Variants in BAG2 observed in about 807,000 individuals in gnomAD.
BAG2 encodes the protein BAG cochaperone 2.
A neutral mutation model predicts 16.4 loss-of-function variants in BAG2; 8 were observed. The observed-to-expected ratio is 0.49, with a 90% CI of 0.29 to 0.88. BAG2 has a LOEUF of 0.88. Among genes scored for constraint, BAG2 ranks in the 40% least tolerant of loss-of-function variants. BAG2 has a pLI of 0.09. For synonymous variants in BAG2, 82 were observed against 89.2 expected (o/e 0.92, Z 0.46); for missense variants, 218 against 248.9 (o/e 0.88, Z 0.84).
chr6:57,174,558 A>AT (rs1326795893), intron 1 of BAG2, among the ~76,000 whole-genome samples: 1 of 152,214 alleles, frequency 6.6e-6, no homozygotes, highest in African/African-American at 2.4e-5. Flanking sequence ...GAGAAAAGTG[A>AT]TTAATATGTG....
chr6:57,175,231 A>T (rs1192573292), intron 1 of BAG2, among the ~76,000 whole-genome samples: 2 of 152,186 alleles, frequency 1.3e-5, no homozygotes, highest in Non-Finnish European at 2.9e-5. Flanking sequence ...TTTAACAATT[A>T]TTGTAATTTG....
intron 2 of BAG2, among the ~76,000 whole-genome samples, chr6:57,182,530 CAAAAA>C (rs758049333): frequency 7.2e-5 from 3 of 41,606 alleles, no homozygotes; most frequent in Admixed American, 2.6e-4. Flanking sequence ...AAGTAGAGAC[CAAAAA>C]AAAAAAAAAA....
intron 1 of BAG2, among the ~76,000 whole-genome samples, chr6:57,180,917 A>G (rs570825299): frequency 3.9e-5 from 6 of 152,372 alleles, no homozygotes; most frequent in African/African-American, 1.4e-4. Context: ...CAACAAGGGA[A>G]CAGTAACTCC....
intron 2 of BAG2, among the ~76,000 whole-genome samples, chr6:57,183,546 CAA>C (rs1265122583): frequency 2.0e-5 from 3 of 152,118 alleles, no homozygotes; most frequent in Non-Finnish European, 2.9e-5. Context: ...GCAGACATGC[CAA>C]TTTGAGAAGT....
At chr6:57,173,355 GAGGGGTAGGC>G (rs1249500322) in intron 1 of BAG2, 1 of 985,302 alleles carries the variant, frequency 1.0e-6, no homozygotes, top group Non-Finnish European at 1.2e-6. Flanking sequence ...AGACAGGAGT[GAGGGGTAGGC>G]AGTAAGTTAC....
In BAG2 at chr6:57,172,811, G is replaced by C; in HGVS notation, c.113+1G>C. Reference sequence around the variant, plus strand: ...AGAGCCTGGACCAGCTGGAGCTCAGGTGAGCTCCGGGCGGGCGGTCTCGGG... The same window carrying C: ...AGAGCCTGGACCAGCTGGAGCTCAGCTGAGCTCCGGGCGGGCGGTCTCGGG... On this transcript the variant is annotated splice_donor_variant, in intron 1 of 2. Coordinates refer to ENST00000370693, the MANE Select transcript of BAG2 (RefSeq NM_004282.4). LOFTEE classifies it high-confidence loss of function. 1 of 1,528,216 alleles carries C rather than the reference G, an allele frequency of 6.5e-7. No individual in the cohort carries two copies. The highest frequency in any genetic ancestry group is 1.2e-5 in the South Asian group (1 of 81,712). The allele number at this position is 1,528,216 out of a possible 1,614,324, so 94.7% of individuals were successfully genotyped here. A position where few individuals can be genotyped will look rare whatever the true frequency, so the allele number is the denominator to read the frequency against.
At chr6:57,176,871 C>T (rs1469591573) in intron 1 of BAG2, among the ~76,000 whole-genome samples, 1 of 148,656 alleles carries the variant, frequency 6.7e-6, no homozygotes, top group Admixed American at 6.7e-5. Context: ...CATACTCTCT[C>T]TCCTAGAAAT....
Position 57,186,083 on chromosome 6 carries a change from G to A in BAG2, c.*1893G>A, listed in dbSNP as rs1288101182. On this transcript the variant is annotated 3_prime_UTR_variant, in exon 3 of 3. Coordinates refer to ENST00000370693, the MANE Select transcript of BAG2 (RefSeq NM_004282.4). The stretch of plus-strand genomic sequence containing the variant: ...TCTGTACCTAGAGCCACATCTAAAG[G>A]GCAGGGAATCTCCAGTGTGGTTTTT... 2.0e-5 allele frequency: 3 copies of A among 152,172 alleles called. No homozygotes were observed. The highest frequency in any genetic ancestry group is 2.9e-5 in the Non-Finnish European group (2 of 68,164). The allele number at this position is 152,172 out of a possible 1,614,324, so 9.4% of individuals were successfully genotyped here. A position where few individuals can be genotyped will look rare whatever the true frequency, so the allele number is the denominator to read the frequency against.
At position 57,172,572 on chromosome 6, in the gene BAG2, CCG is replaced by C. The variant is rs1764151291; in HGVS notation, c.-123_-122del. On this transcript the variant is annotated 5_prime_UTR_variant, in exon 1 of 3. Transcript: ENST00000370693. ...GTCGGCGAGTCCTCCCGGGTTGCCC[CCG>C]CGGGCGTCAGAGGGAGGGCGGGCGC... is the stretch of plus-strand genomic sequence containing the variant. The C allele has an allele frequency of 2.6e-6, 2 of 756,448 alleles. No individual in the cohort carries two copies. The allele number at this position is 756,448 out of a possible 1,614,324, so 46.9% of individuals were successfully genotyped here. A position where few individuals can be genotyped will look rare whatever the true frequency, so the allele number is the denominator to read the frequency against.
chr6:57,174,503 A>G, intron 1 of BAG2: 1 of 867,848 alleles, frequency 1.2e-6, no homozygotes, highest in Non-Finnish European at 1.6e-6. Flanking sequence ...CTGATTGCAC[A>G]TCAGTGATTA....
chr6:57,176,028 T>C (rs112846985), intron 1 of BAG2, among the ~76,000 whole-genome samples: 3,511 of 152,246 alleles, frequency 0.023, 124 homozygotes, highest in African/African-American at 0.077. Flanking sequence ...GTGTTGGAAC[T>C]GAGTTGGGGG....
intron 1 of BAG2, among the ~76,000 whole-genome samples, chr6:57,175,100 T>G (rs1353056102): frequency 2.0e-5 from 3 of 152,236 alleles, no homozygotes; most frequent in Admixed American, 1.3e-4. Context: ...CATTTTGTCT[T>G]CTGTATTTCT....
chr6:57,174,497 T>C lies in BAG2; in HGVS notation c.113+1687T>C. 3 of 943,962 alleles carry C rather than the reference T, an allele frequency of 3.2e-6. 1 individual carries two copies. The South Asian group carries it at 4.5e-5, about 14-fold the overall frequency. The allele number at this position is 943,962 out of a possible 1,614,324, so 58.5% of individuals were successfully genotyped here. On this transcript the variant is annotated intron_variant, in intron 1 of 2. Transcript: ENST00000370693. ...TTGATTAATGTAAAATGAATTCTGA[T>C]TGCACATCAGTGATTAAATTACAAC... is the stretch of plus-strand genomic sequence containing the variant.
Position 57,183,895 on chromosome 6 carries a change from C to T in BAG2, c.341C>T (p.Thr114Ile), listed in dbSNP as rs771201117. 3 of 1,613,924 alleles carry T rather than the reference C, an allele frequency of 1.9e-6. No homozygotes were observed. Among genetic ancestry groups the T allele is most frequent in the African/African-American group, 2.7e-5 (2 of 74,894 alleles). The change falls in exon 3 of 3, where the codon ACA (threonine) becomes ATA (isoleucine). Residue 114 changes from threonine (T) to isoleucine (I), a missense_variant. By Grantham distance (89) the Thr-to-Ile change is moderately conservative. This residue lies in a region of BAG2 where 113 missense variants were observed against 128.0 expected (regional missense o/e 0.88). Coordinates refer to ENST00000370693, the MANE Select transcript of BAG2 (RefSeq NM_004282.4). ...CAGCAAGAATCCCTAAAGCATGCCA[C>T]AAGGATTATTGATGAGGTGGTCAAT... Reference protein sequence around the residue: ...PQQQESLKHATRIIDEVVNKF... With the variant: ...PQQQESLKHAIRIIDEVVNKF...
chr6:57,181,935 AT>A, intron 1 of BAG2, 96 bp from the exon 2 acceptor site: 6 of 1,020,922 alleles, frequency 5.9e-6, no homozygotes, highest in Non-Finnish European at 8.6e-6. Context: ...AAGTTTGGTG[AT>A]CTTTAAACTT....
intron 1 of BAG2, among the ~76,000 whole-genome samples, chr6:57,176,535 T>A (rs1001610313): frequency 6.6e-6 from 1 of 152,168 alleles, no homozygotes; most frequent in African/African-American, 2.4e-5. Flanking sequence ...GGGATGGGTT[T>A]TGGAGACTGG....
At chr6:57,178,068 A>C (rs1319180948) in intron 1 of BAG2, among the ~76,000 whole-genome samples, 1 of 152,160 alleles carries the variant, frequency 6.6e-6, no homozygotes, top group African/African-American at 2.4e-5. Flanking sequence ...GTTCTTTCCC[A>C]ATTTGGACGT....
chr6:57,189,162 G>A lies in BAG2; in HGVS notation c.*4972G>A, dbSNP rs1028475449. The A allele has an allele frequency of 6.6e-6, 1 of 152,176 alleles. No individual in the cohort carries two copies. Among genetic ancestry groups the A allele is most frequent in the Non-Finnish European group, 1.5e-5 (1 of 68,036 alleles). The allele number at this position is 152,176 out of a possible 1,614,324, so 9.4% of individuals were successfully genotyped here. ...TACTGTCCCAAGTGACAAAATTTAT[G>A]TCCTGACACATGATTACATATTAAA... On this transcript the variant is annotated 3_prime_UTR_variant, in exon 3 of 3. Coordinates refer to ENST00000370693, the MANE Select transcript of BAG2 (RefSeq NM_004282.4).
chr6:57,172,933 G>A (rs1764167538), intron 1 of BAG2, 123 bp downstream of exon 1: 2 of 871,092 alleles, frequency 2.3e-6, no homozygotes, highest in South Asian at 2.1e-5. Context: ...TGCGGCAACC[G>A]AAGTTGCTTG....
Sources: gnomAD v4.1 joint callset for allele counts (sites outside exome capture counted in the v4.1 genomes callset) on GRCh38, gnomAD v4.1.1 for gene constraint, gnomAD v4.1.1 regional missense constraint, MANE v1.5 for transcripts, NCBI Gene and HGNC (gene_info 2026-07-23, HGNC 2026-07-21) for gene names.